FRMD8: variants seen among roughly 807,000 people sequenced by gnomAD.
The protein encoded by FRMD8 is FERM domain containing 8.
Under a neutral mutation model 54.2 loss-of-function variants are expected in FRMD8, and 37 were observed. The observed-to-expected ratio is 0.68, with a 90% CI of 0.53 to 0.90. The LOEUF (loss-of-function observed/expected upper bound fraction) is 0.90. FRMD8 is among the 40% of genes least tolerant of loss of function. FRMD8 has a pLI of 0.00. For synonymous variants in FRMD8, 246 were observed against 286.9 expected (o/e 0.86, Z 1.44); for missense variants, 585 against 653.7 (o/e 0.89, Z 1.15).
the FRMD8 span, chr11:65,376,948 CCGGAAGATGGAG>C: frequency 1.9e-6 from 3 of 1,613,008 alleles, no homozygotes; most frequent in Non-Finnish European, 2.5e-6. Context: ...GCCCCTCCTC[CCGGAAGATGGAG>C]GCTGCACAGT....
the FRMD8 span, chr11:65,379,710 C>A: frequency 4.8e-6 from 6 of 1,258,378 alleles, no homozygotes; most frequent in Non-Finnish European, 6.7e-6. Context: ...TGAGGCTGCG[C>A]CTCTGGGGTG....
the FRMD8 span, among the ~76,000 whole-genome samples, chr11:65,371,748 G>A: frequency 6.6e-6 from 1 of 152,136 alleles, no homozygotes; most frequent in Non-Finnish European, 1.5e-5. Flanking sequence ...CCAAGTAACT[G>A]TGACTACAGG....
In FRMD8 at chr11:65,400,426, G is replaced by A. The variant is rs371109715; in HGVS notation, c.928-298G>A. Among the ~76,000 whole-genome samples, 3 of 152,106 alleles carry A rather than the reference G, an allele frequency of 2.0e-5. No individual in the cohort carries two copies. The highest frequency in any genetic ancestry group is 6.5e-5 in the Admixed American group (1 of 15,282). ...CAGCCTCATGCTAGATGCCACGCCCGACCTCATAGAAGAGACTCCGCTTCC... is the reference window on the plus strand; with the variant it reads ...CAGCCTCATGCTAGATGCCACGCCCAACCTCATAGAAGAGACTCCGCTTCC... On this transcript the variant is annotated intron_variant, in intron 8 of 10. Transcript: ENST00000317568. This position sits in a 1 kb window ranked among gnomAD's most constrained non-coding sequence, Gnocchi z 4.3.
the FRMD8 span, chr11:65,376,353 A>G: frequency 6.3e-7 from 1 of 1,589,780 alleles, no homozygotes; most frequent in African/African-American, 1.3e-5. Context: ...TCCAATCTCA[A>G]ACTGGCCTCC....
At chr11:65,395,861 C>T (rs530510003) in intron 6 of FRMD8, among the ~76,000 whole-genome samples, 1 of 152,364 alleles carries the variant, frequency 6.6e-6, no homozygotes, top group Admixed American at 6.5e-5. Context: ...TGAAACCCTC[C>T]TGCTGCAGTC....
chr11:65,375,064 T>G, the FRMD8 span: 1 of 152,166 alleles, frequency 6.6e-6, no homozygotes, highest in Non-Finnish European at 1.5e-5. Flanking sequence ...CATCCTCCAC[T>G]GCAGGTGACC....
intron 9 of FRMD8, among the ~76,000 whole-genome samples, chr11:65,401,661 A>G (rs1331274493): frequency 7.7e-6 from 1 of 129,488 alleles, no homozygotes; most frequent in African/African-American, 3.0e-5. Context: ...CAGCTTAACT[A>G]CATGCTCCTG....
upstream of FRMD8, chr11:65,382,680 C>G (rs997783572): frequency 6.6e-6 from 1 of 152,628 alleles, no homozygotes; most frequent in African/African-American, 2.4e-5. This position sits in a 1 kb window ranked among gnomAD's most constrained non-coding sequence, Gnocchi z 4.4. Context: ...CTGTGAGCCA[C>G]AGGGTGCCGC....
At chr11:65,399,641 C>A in intron 7 of FRMD8, 95 bp from the exon 8 acceptor site, 2 of 1,490,178 alleles carry the variant, frequency 1.3e-6, no homozygotes, top group Non-Finnish European at 1.8e-6. Flanking sequence ...GTCACCCAAA[C>A]AGCAGAAGTT....
intron 10 of FRMD8, among the ~76,000 whole-genome samples, chr11:65,408,164 T>C (rs1856248877): frequency 6.8e-6 from 1 of 146,864 alleles, no homozygotes. Flanking sequence ...AACCTCCACC[T>C]CCCGGGTTCA....
upstream of FRMD8, among the ~76,000 whole-genome samples, chr11:65,386,346 C>G (rs183981127): frequency 2.5e-3 from 374 of 152,312 alleles, no homozygotes; most frequent in Non-Finnish European, 4.1e-3. Context: ...GGAACTAGCC[C>G]GAAGACCCAG....
chr11:65,401,332 AGCCTCCCTCCCCT>A (rs752152817), intron 9 of FRMD8, among the ~76,000 whole-genome samples: 71 of 103,978 alleles, frequency 6.8e-4, no homozygotes, highest in Middle Eastern at 4.5e-3. Flanking sequence ...CTCCCTCCCC[AGCCTCCCTCCCCT>A]GCCTCCCTCC....
intron 10 of FRMD8, among the ~76,000 whole-genome samples, chr11:65,408,076 CTTT>C (rs757980759): frequency 1.4e-5 from 2 of 139,628 alleles, no homozygotes; most frequent in Non-Finnish European, 1.6e-5. Context: ...ATTGTTTTTT[CTTT>C]TTTTTTTTTT....
At chr11:65,386,136 A>G (rs376355429), upstream of FRMD8, among the ~76,000 whole-genome samples, 29 of 152,316 alleles carry the variant, frequency 1.9e-4, no homozygotes, top group African/African-American at 4.8e-4. Context: ...GAGTAGGGAT[A>G]GTCCTTGGGG....
the FRMD8 span, chr11:65,376,887 TG>T: frequency 2.5e-6 from 4 of 1,614,176 alleles, no homozygotes; most frequent in Non-Finnish European, 3.4e-6. Flanking sequence ...ATCCCCACCG[TG>T]GGGGTGTCCC....
chr11:65,370,413 G>A, the FRMD8 span, among the ~76,000 whole-genome samples: 1 of 146,570 alleles, frequency 6.8e-6, no homozygotes, highest in Non-Finnish European at 1.5e-5. Flanking sequence ...AAAAGTTAAA[G>A]TACCTGGGCC....
chr11:65,409,778 A>AT lies in FRMD8; in HGVS notation c.1277-1464_1277-1463insT, dbSNP rs111944306. Among the ~76,000 whole-genome samples the AT allele has an allele frequency of 1.7e-4, 26 of 151,890 alleles. 1 individual carries two copies. Among genetic ancestry groups the AT allele is most frequent in the African/African-American group, 5.8e-4 (24 of 41,434 alleles). On this transcript the variant is annotated intron_variant, in intron 10 of 10. Coordinates refer to ENST00000317568, the MANE Select transcript of FRMD8 (RefSeq NM_031904.5). ...GAGACCCTGTCGCAAAAAAAAAAAAAGAAAAAGAAAAATTTATTAACGTCT... is the reference window on the plus strand; with the variant it reads ...GAGACCCTGTCGCAAAAAAAAAAAAATGAAAAAGAAAAATTTATTAACGTCT...
At chr11:65,376,688 G>C in the FRMD8 span, 3 of 1,613,846 alleles carry the variant, frequency 1.9e-6, no homozygotes, top group Non-Finnish European at 8.5e-7. Context: ...GGGGCAGAGA[G>C]AGCCCAGAGC....
intron 3 of FRMD8, 131 bp downstream of exon 3, chr11:65,389,659 G>A (rs1855804723): frequency 1.0e-6 from 1 of 962,470 alleles, no homozygotes. Context: ...TGGGACTTGG[G>A]TTTATCCTGA....
Sources: gnomAD v4.1 joint callset for allele counts (sites outside exome capture counted in the v4.1 genomes callset) on GRCh38, gnomAD v4.1.1 for gene constraint, Gnocchi (gnomAD v3.1) non-coding constraint, MANE v1.5 for transcripts, NCBI Gene and HGNC (gene_info 2026-07-23, HGNC 2026-07-21) for gene names.